The following GRIK2 variants were observed in gnomAD, a reference collection of about 807,000 sequenced individuals.
The protein encoded by GRIK2 is glutamate receptor ionotropic, kainate 2.
A neutral mutation model predicts 100.3 loss-of-function variants in GRIK2; 32 were observed. The observed-to-expected ratio is 0.32, with a 90% CI of 0.24 to 0.43. The LOEUF is 0.43. GRIK2 is among the 20% of genes least tolerant of loss of function. The pLI, the probability that GRIK2 is intolerant of heterozygous loss-of-function variation, is 1.00. For missense variants in GRIK2, 843 were observed against 1,114.9 expected, an observed-to-expected ratio of 0.76 and a Z score of 3.47; for synonymous variants, 417 against 389.4, an observed-to-expected ratio of 1.07 and a Z score of -0.83.
chr6:101,433,337 T>C (rs543708681), intron 2 of GRIK2, among the ~76,000 whole-genome samples: 2 of 152,188 alleles, frequency 1.3e-5, no homozygotes, highest in Non-Finnish European at 2.9e-5. Flanking sequence ...AAGCCCAGAA[T>C]GCAGACTGGC....
rs1478720181 is a variant in GRIK2 at position 101,859,277 on chromosome 6, A to G, written c.1318-10A>G. 1.4e-6 allele frequency: 2 copies of G among 1,459,246 alleles called. No individual in the cohort carries two copies. Among genetic ancestry groups the G allele is most frequent in the South Asian group, 1.1e-5 (1 of 87,258 alleles). 90.4% of individuals were successfully genotyped at this position (1,459,246 alleles called of 1,614,324 possible). A position where few individuals can be genotyped will look rare whatever the true frequency, so the allele number is the denominator to read the frequency against. ...CTGTTACCTCTTTTCTTCTTTTTCAATGTTTTCAGGAAGAGCCTTATGTCC... is the reference window on the plus strand; with the variant it reads ...CTGTTACCTCTTTTCTTCTTTTTCAGTGTTTTCAGGAAGAGCCTTATGTCC... On this transcript the variant is annotated splice_polypyrimidine_tract_variant and intron_variant, in intron 10 of 16. Transcript: ENST00000369134.
chr6:101,477,591 G>A (rs1163099419), intron 2 of GRIK2, among the ~76,000 whole-genome samples: 14 of 152,236 alleles, frequency 9.2e-5, no homozygotes, highest in South Asian at 4.1e-4. Context: ...GGTGAGGCAG[G>A]GTACTTACGT....
chr6:101,673,520 C>G (rs1582935517), intron 4 of GRIK2, among the ~76,000 whole-genome samples: 1 of 152,180 alleles, frequency 6.6e-6, no homozygotes, highest in East Asian at 1.9e-4. Context: ...TACAGCTGGG[C>G]TTGTCACTGA....
At chr6:101,995,933 A>G (rs1794628113) in intron 14 of GRIK2, among the ~76,000 whole-genome samples, 1 of 152,050 alleles carries the variant, frequency 6.6e-6, no homozygotes, top group African/African-American at 2.4e-5. Context: ...ATACAATTCT[A>G]TTTAGATAAA....
chr6:101,975,530 G>A (rs1448769809), intron 14 of GRIK2, among the ~76,000 whole-genome samples: 1 of 151,936 alleles, frequency 6.6e-6, no homozygotes, highest in African/African-American at 2.4e-5. Flanking sequence ...GCAAGACAAG[G>A]ATAAAGAGGA....
At chr6:101,426,911 C>T (rs780453838) in intron 2 of GRIK2, among the ~76,000 whole-genome samples, 1 of 152,156 alleles carries the variant, frequency 6.6e-6, no homozygotes, top group South Asian at 2.1e-4. Context: ...TCTAGACAAT[C>T]CAAACAATAT....
At chr6:101,437,586 T>C (rs1769801666) in intron 2 of GRIK2, among the ~76,000 whole-genome samples, 2 of 152,158 alleles carry the variant, frequency 1.3e-5, no homozygotes, top group Admixed American at 6.6e-5. Context: ...AAGAAAGTGT[T>C]GTAAATAAAT....
chr6:101,909,396 T>TTTTTTTTTTA (rs1788497593), intron 12 of GRIK2, among the ~76,000 whole-genome samples: 1 of 146,876 alleles, frequency 6.8e-6, no homozygotes, highest in African/African-American at 2.5e-5. Flanking sequence ...TTTTTTTTTT[T>TTTTTTTTTTA]AAAGATCATT....
intron 7 of GRIK2, among the ~76,000 whole-genome samples, chr6:101,761,021 T>G (rs1777623552): frequency 6.6e-6 from 1 of 152,090 alleles, no homozygotes; most frequent in Non-Finnish European, 1.5e-5. Flanking sequence ...CAGTGATTCT[T>G]CAGAAATGAA....
At chr6:101,488,771 T>C (rs1245187968) in intron 2 of GRIK2, among the ~76,000 whole-genome samples, 1 of 145,940 alleles carries the variant, frequency 6.9e-6, no homozygotes, top group Non-Finnish European at 1.5e-5. Context: ...ATTTTCAAAG[T>C]TTTTTTTGTT....
intron 11 of GRIK2, among the ~76,000 whole-genome samples, chr6:101,883,209 A>T (rs903722981): frequency 9.9e-5 from 15 of 151,122 alleles, no homozygotes; most frequent in African/African-American, 3.6e-4. Flanking sequence ...AACAAAAATG[A>T]CCCAACAGCT....
At chr6:101,743,074 T>C (rs1776150798) in intron 7 of GRIK2, among the ~76,000 whole-genome samples, 1 of 152,116 alleles carries the variant, frequency 6.6e-6, no homozygotes, top group Admixed American at 6.5e-5. Context: ...GTTTACAAAA[T>C]GGTATTTGTT....
intron 2 of GRIK2, among the ~76,000 whole-genome samples, chr6:101,464,457 C>G (rs902536983): frequency 1.0e-4 from 15 of 147,122 alleles, no homozygotes; most frequent in African/African-American, 3.5e-4. Context: ...TAAGTCACTG[C>G]ATTGTGCTTC....
chr6:101,409,165 TATA>T (rs1179220174), intron 2 of GRIK2, among the ~76,000 whole-genome samples: 2 of 150,760 alleles, frequency 1.3e-5, no homozygotes, highest in Non-Finnish European at 3.0e-5. Context: ...CAGTTAAGAT[TATA>T]ATACCATATT....
intron 2 of GRIK2, among the ~76,000 whole-genome samples, chr6:101,509,157 C>CAAA (rs397885238): frequency 0.02 from 1,997 of 100,184 alleles, 46 homozygotes; most frequent in Middle Eastern, 0.034. Context: ...GACTCTGTCT[C>CAAA]AAAAAAAAAA....
chr6:101,728,297 A>G (rs531528283), intron 7 of GRIK2, among the ~76,000 whole-genome samples: 1 of 152,092 alleles, frequency 6.6e-6, no homozygotes, highest in Non-Finnish European at 1.5e-5. Context: ...TAGTATATCA[A>G]ACCATTGAGT....
intron 11 of GRIK2, among the ~76,000 whole-genome samples, chr6:101,868,797 A>T: frequency 6.6e-6 from 1 of 151,922 alleles, no homozygotes; most frequent in Admixed American, 6.6e-5. Context: ...TTCAGAAAAA[A>T]ATTGCTCAAA....
chr6:101,891,529 A>G (rs577874251), intron 12 of GRIK2: 209 of 396,524 alleles, frequency 5.3e-4, no homozygotes, highest in Admixed American at 1.3e-3. Flanking sequence ...AAAAAAAAAA[A>G]AAAAAAAAGG....
chr6:101,878,588 G>T (rs1316515292), intron 11 of GRIK2, among the ~76,000 whole-genome samples: 1 of 151,812 alleles, frequency 6.6e-6, no homozygotes, highest in Non-Finnish European at 1.5e-5. Flanking sequence ...AGACTCTCTG[G>T]TCTGTTTAAC....
Sources: gnomAD v4.1 joint callset for allele counts (sites outside exome capture counted in the v4.1 genomes callset) on GRCh38, gnomAD v4.1.1 for gene constraint, MANE v1.5 for transcripts, NCBI Gene and HGNC (gene_info 2026-07-23, HGNC 2026-07-21) for gene names.